The following ARIH2 variants were observed in gnomAD, a reference collection of about 807,000 sequenced individuals.
ARIH2 encodes the protein ariadne RBR E3 ubiquitin protein ligase 2, also known as E3 ubiquitin-protein ligase ARIH2.
Under a neutral mutation model 79.8 loss-of-function variants are expected in ARIH2, and 12 were observed. The observed-to-expected ratio is 0.15, with a 90% CI of 0.10 to 0.24. The LOEUF (loss-of-function observed/expected upper bound fraction) is 0.24, where lower values mean the gene tolerates loss of function less well. ARIH2 is among the 10% of genes least tolerant of loss of function. The pLI, the probability that ARIH2 is intolerant of heterozygous loss-of-function variation, is 1.00. For synonymous variants in ARIH2, 224 were observed against 213.9 expected (o/e 1.05, Z -0.41); for missense variants, 301 against 618.3 (o/e 0.49, Z 5.44).
chr3:48,948,318 G>A (rs550639174), intron 3 of ARIH2, among the ~76,000 whole-genome samples: 2 of 151,312 alleles, frequency 1.3e-5, no homozygotes, highest in Non-Finnish European at 2.9e-5. Flanking sequence ...GCCCAGGCTG[G>A]AGTGCAATGG....
chr3:48,926,243 G>GT (rs2085579873), intron 2 of ARIH2, among the ~76,000 whole-genome samples: 1 of 129,468 alleles, frequency 7.7e-6, no homozygotes, highest in Admixed American at 7.8e-5. Context: ...AGTTTCCCTC[G>GT]TGTGTGTGTG....
At chr3:48,966,615 A>G (rs1374907188) in intron 5 of ARIH2, among the ~76,000 whole-genome samples, 1 of 152,208 alleles carries the variant, frequency 6.6e-6, no homozygotes, top group Non-Finnish European at 1.5e-5. Context: ...GTACGTCGAT[A>G]TAGTGAAACC....
chr3:48,940,637 A>G (rs2087981994), intron 3 of ARIH2, among the ~76,000 whole-genome samples: 2 of 151,408 alleles, frequency 1.3e-5, no homozygotes, highest in African/African-American at 4.9e-5. Flanking sequence ...TCTACTAAAA[A>G]TACAAAAATT....
rs142936414 is a variant in ARIH2, at chr3:48,986,170, C to T, written c.*2900C>T. 7.2e-5 allele frequency: 11 copies of T among 152,306 alleles called. No individual in the cohort carries two copies. The East Asian group carries it at 2.1e-3, about 29-fold the overall frequency. 9.4% of individuals were successfully genotyped at this position (152,306 alleles called of 1,614,324 possible). A position where few individuals can be genotyped will look rare whatever the true frequency, so the allele number is the denominator to read the frequency against. ...ACCTGTGGCTAGAAGAGGCCTCATA[C>T]ATTGCCAGTCTGAACTCCGCAGCTC... On this transcript the variant is annotated 3_prime_UTR_variant, in exon 16 of 16. Coordinates refer to ENST00000356401, the MANE Select transcript of ARIH2 (RefSeq NM_006321.4).
intron 3 of ARIH2, among the ~76,000 whole-genome samples, chr3:48,956,686 GTGTGT>G (rs2090625167): frequency 6.7e-6 from 1 of 150,058 alleles, no homozygotes. Context: ...GTGTGTGTGT[GTGTGT>G]GTGTGTATTT....
At chr3:48,922,658 C>G (rs1197098986) in intron 1 of ARIH2, 90 bp from the exon 2 acceptor site, 2 of 151,962 alleles carry the variant, frequency 1.3e-5, no homozygotes, top group East Asian at 3.9e-4. Flanking sequence ...GTTACTTGTC[C>G]TTTAAAATAC....
At chr3:48,946,241 G>T (rs1481966273) in intron 3 of ARIH2, among the ~76,000 whole-genome samples, 1 of 151,854 alleles carries the variant, frequency 6.6e-6, no homozygotes, top group East Asian at 2.0e-4. Context: ...TGTGAAGCAG[G>T]CATAGAACTG....
At chr3:48,976,579 A>G (rs1559855828) in intron 11 of ARIH2, among the ~76,000 whole-genome samples, 2 of 152,248 alleles carry the variant, frequency 1.3e-5, no homozygotes, top group East Asian at 1.9e-4. Flanking sequence ...TGCAGTGCCA[A>G]ACGAAGATAG....
intron 1 of ARIH2, among the ~76,000 whole-genome samples, chr3:48,919,772 G>A (rs1370470100): frequency 6.6e-6 from 1 of 152,130 alleles, no homozygotes; most frequent in Non-Finnish European, 1.5e-5. Context: ...ATTTTGAAAC[G>A]AAATTGCTGA....
chr3:48,971,284 G>C (rs1269698380), intron 8 of ARIH2, among the ~76,000 whole-genome samples: 1 of 152,074 alleles, frequency 6.6e-6, no homozygotes, highest in African/African-American at 2.4e-5. Flanking sequence ...TTTCTCTGTA[G>C]CCCAGGCTGG....
intron 7 of ARIH2, among the ~76,000 whole-genome samples, chr3:48,970,048 A>G (rs2092104139): frequency 6.6e-6 from 1 of 151,182 alleles, no homozygotes; most frequent in Non-Finnish European, 1.5e-5. Flanking sequence ...GCGCCACCAC[A>G]CCCAACTAAT....
intron 2 of ARIH2, among the ~76,000 whole-genome samples, 192 bp downstream of exon 2, chr3:48,923,003 C>G (rs979629416): frequency 6.6e-6 from 1 of 151,948 alleles, no homozygotes; most frequent in East Asian, 1.9e-4. Context: ...GTCAGGAGAT[C>G]GAGACCATCC....
At chr3:48,980,690 G>A (rs901698431) in intron 13 of ARIH2, among the ~76,000 whole-genome samples, 194 bp downstream of exon 13, 1 of 151,944 alleles carries the variant, frequency 6.6e-6, no homozygotes, top group Non-Finnish European at 1.5e-5. Flanking sequence ...ATGTCCAGGG[G>A]ATTTATAAGA....
intron 2 of ARIH2, chr3:48,925,305 G>C (rs988960716): frequency 6.6e-6 from 1 of 151,214 alleles, no homozygotes; most frequent in South Asian, 2.1e-4. Context: ...AGTAGAGACG[G>C]GGTTTCACCA....
chr3:48,931,895 G>C (rs2086418917), intron 3 of ARIH2, among the ~76,000 whole-genome samples: 1 of 152,124 alleles, frequency 6.6e-6, no homozygotes, highest in Non-Finnish European at 1.5e-5. Flanking sequence ...TGTAGTCCCA[G>C]CTACTCAGGA....
rs142128148 is a variant in ARIH2, at chr3:48,934,502, T to G, written c.255+6689T>G. ...AGCTGGGCCTGGTTACACTGAGTGTTTGTGTGCTGAGCAGCCCTCTGATTT... is the reference window on the plus strand; with the variant it reads ...AGCTGGGCCTGGTTACACTGAGTGTGTGTGTGCTGAGCAGCCCTCTGATTT... On this transcript the variant is annotated intron_variant, in intron 3 of 15. Coordinates refer to ENST00000356401, the MANE Select transcript of ARIH2 (RefSeq NM_006321.4). 4.8e-5 allele frequency: 47 copies of G among 985,324 alleles called. No individual in the cohort carries two copies. In the African/African-American group the frequency reaches 5.8e-4, roughly 12 times the overall value. The allele number at this position is 985,324 out of a possible 1,614,324, so 61.0% of individuals were successfully genotyped here.
chr3:48,941,080 G>T (rs755787408), intron 3 of ARIH2, among the ~76,000 whole-genome samples: 1 of 151,224 alleles, frequency 6.6e-6, no homozygotes, highest in Admixed American at 6.6e-5. Context: ...GCTGAAGCAG[G>T]AGAATGGCGT....
intron 3 of ARIH2, among the ~76,000 whole-genome samples, chr3:48,947,273 C>G (rs902967127): frequency 6.6e-6 from 1 of 152,076 alleles, no homozygotes; most frequent in Non-Finnish European, 1.5e-5. Flanking sequence ...ATAACCTCAT[C>G]TCTACTAAAA....
Position 48,918,852 on chromosome 3 carries a change from G to A in ARIH2, c.-308G>A, listed in dbSNP as rs546855001. On this transcript the variant is annotated 5_prime_UTR_variant, in exon 1 of 16. Coordinates refer to ENST00000356401, the MANE Select transcript of ARIH2 (RefSeq NM_006321.4). ...GCGCCAAGCACTTCCGGAGCTGTGG[G>A]GACGACTCTTCTGGAGGAAGCAGCG... 4.3e-6 allele frequency: 7 copies of A among 1,611,188 alleles called. No individual in the cohort carries two copies. The South Asian group carries it at 5.5e-5, about 13-fold the overall frequency.
Sources: allele counts gnomAD v4.1 joint callset (sites outside exome capture counted in the v4.1 genomes callset), GRCh38; gene constraint gnomAD v4.1.1; transcripts MANE v1.5; gene names NCBI Gene and HGNC (gene_info 2026-07-23, HGNC 2026-07-21).